LAMC3: variants seen among roughly 807,000 people sequenced by gnomAD.
The protein encoded by LAMC3 is laminin subunit gamma-3.
A neutral mutation model predicts 173.8 loss-of-function variants in LAMC3; 128 were observed. The observed-to-expected ratio is 0.74, with a 90% confidence interval of 0.64 to 0.85. The LOEUF (loss-of-function observed/expected upper bound fraction) is 0.85. LAMC3 is among the 40% of genes least tolerant of loss of function. LAMC3 has a pLI of 0.00. For synonymous variants in LAMC3, 897 were observed against 909.1 expected, an observed-to-expected ratio of 0.99 and a Z score of 0.24; for missense variants, 2,022 against 2,156.0, an observed-to-expected ratio of 0.94 and a Z score of 1.23.
Position 131,026,629 on chromosome 9 carries a change from G to T in LAMC3, c.678+40G>T. The T allele has an allele frequency of 1.3e-6, 2 of 1,523,318 alleles. No individual in the cohort carries two copies. Among genetic ancestry groups the T allele is most frequent in the East Asian group, 2.4e-5 (1 of 41,936 alleles). 94.4% of individuals were successfully genotyped at this position (1,523,318 alleles called of 1,614,324 possible). ...GGGCTTCGGAGGTTGGGACGGGGTT[G>T]GGACTGGGTCACGGCAGTAGGAGGG... is the stretch of plus-strand genomic sequence containing the variant. On this transcript the variant is annotated intron_variant, in intron 2 of 27. Transcript: ENST00000361069. This position sits in a 1 kb window ranked among gnomAD's most constrained non-coding sequence, Gnocchi z 4.8.
chr9:131,033,815 G>A (rs1331442536), intron 3 of LAMC3, among the ~76,000 whole-genome samples: 2 of 152,096 alleles, frequency 1.3e-5, no homozygotes, highest in African/African-American at 4.8e-5. Context: ...ATGGGAGTGG[G>A]GAGCGGGGAT....
chr9:131,069,849 A>T lies in LAMC3; in HGVS notation c.3068A>T (p.Glu1023Val). 1.3e-6 allele frequency: 2 copies of T among 1,584,932 alleles called. No homozygotes were observed. The highest frequency in any genetic ancestry group is 1.7e-6 in the Non-Finnish European group (2 of 1,165,214). Residue 1023 changes from glutamate to valine, a missense_variant and splice_region_variant, in exon 17 of 28, where the codon GAG becomes GTG. Transcript: ENST00000361069. The stretch of plus-strand genomic sequence containing the variant: ...TCCTGCTACGCCCTGGTGAAGGAGG[A>T]GGTGAGTCGGCCCAGACCCACTCAC... ...CPSCYALVKE[E>V]AAKLKARLTL...
At chr9:131,059,054 C>T (rs778925080) in intron 12 of LAMC3, among the ~76,000 whole-genome samples, 2 of 151,074 alleles carry the variant, frequency 1.3e-5, no homozygotes, top group East Asian at 2.0e-4. Context: ...AAAAATTAGC[C>T]AGGTGTGGTT....
In LAMC3 at chr9:131,091,757, C is replaced by T. The variant is rs754122699; in HGVS notation, c.4698C>T (p.Ser1566=). The T allele has an allele frequency of 8.1e-6, 13 of 1,613,000 alleles. No individual in the cohort carries two copies. The highest frequency in any genetic ancestry group is 1.6e-4 in the Middle Eastern group (1 of 6,084). Residue 1566 remains serine, a synonymous_variant, in exon 28 of 28, where the codon AGC becomes AGT. Coordinates refer to ENST00000361069, the MANE Select transcript of LAMC3 (RefSeq NM_006059.4). ...AGAACCTGGAGGCCATTCTGCACAG[C>T]CTGCCCGAGAACTGTGCCAGCTGGC... ...DKQNLEAILH[S]LPENCASWQ
At position 131,026,504 on chromosome 9, in the gene LAMC3, C is replaced by T. The variant is rs1236007854; in HGVS notation, c.593C>T (p.Ser198Phe). The change falls in exon 2 of 28, where the codon TCC becomes TTC. Residue 198 changes from serine (S) to phenylalanine (F), a missense_variant. Coordinates refer to ENST00000361069, the MANE Select transcript of LAMC3 (RefSeq NM_006059.4). The surrounding 1 kb of genome is among the most constrained non-coding windows in gnomAD (Gnocchi z 4.8). ...TGCACCTCTGAGTTCAGCGACATCTCCCCGCTGAGTGGCGGCAACGTGGCC... is the reference window on the plus strand; with the variant it reads ...TGCACCTCTGAGTTCAGCGACATCTTCCCGCTGAGTGGCGGCAACGTGGCC... ...AFCTSEFSDI[S>F]PLSGGNVAFS... 4 of 1,613,146 alleles carry T rather than the reference C, an allele frequency of 2.5e-6. No individual in the cohort carries two copies. The highest frequency in any genetic ancestry group is 2.2e-5 in the South Asian group (2 of 91,070).
chr9:131,068,905 C>T lies in LAMC3; in HGVS notation c.2748-3C>T, dbSNP rs746665623. On this transcript the variant is annotated splice_polypyrimidine_tract_variant and splice_region_variant and intron_variant, in intron 15 of 27. Transcript: ENST00000361069. ...TCAGACCCAGTTCCTTCCCTGATCA[C>T]AGCTGCAAGTGTCACCCACTGGGCT... 5 of 1,614,022 alleles carry T rather than the reference C, an allele frequency of 3.1e-6. No homozygotes were observed. The highest frequency in any genetic ancestry group is 4.2e-6 in the Non-Finnish European group (5 of 1,180,016).
chr9:131,050,272 T>G (rs189414946), intron 9 of LAMC3, among the ~76,000 whole-genome samples: 1 of 152,186 alleles, frequency 6.6e-6, no homozygotes, highest in African/African-American at 2.4e-5. Context: ...CGGGGCACCC[T>G]GAGCAGCTGG....
At chr9:131,046,811 AC>A (rs1398197825) in intron 8 of LAMC3, among the ~76,000 whole-genome samples, 1 of 152,002 alleles carries the variant, frequency 6.6e-6, no homozygotes, top group Non-Finnish European at 1.5e-5. Flanking sequence ...AGCGCCCCGC[AC>A]CTTCCGCCTG....
rs562862199 is a variant in LAMC3 at position 131,050,860 on chromosome 9, C to T, written c.1631-1631C>T. ...GGTAGCCTGTTGGTGGACTGTGATG[C>T]GGCCGGTTGTGGAACAGTGTGTGAA... On this transcript the variant is annotated intron_variant, in intron 9 of 27. Transcript: ENST00000361069. Among the ~76,000 whole-genome samples, 7 of 152,072 alleles carry T rather than the reference C, an allele frequency of 4.6e-5. No individual in the cohort carries two copies. The East Asian group carries it at 5.8e-4, about 13-fold the overall frequency.
At chr9:131,074,239 C>T (rs759718018) in intron 20 of LAMC3, among the ~76,000 whole-genome samples, 1 of 151,482 alleles carries the variant, frequency 6.6e-6, no homozygotes, top group South Asian at 2.1e-4. Context: ...TGAGCCACCG[C>T]GCCCGGCCAG....
chr9:131,053,251 G>T (rs533525752), intron 11 of LAMC3, among the ~76,000 whole-genome samples: 1 of 152,162 alleles, frequency 6.6e-6, no homozygotes, highest in East Asian at 1.9e-4. Context: ...ACCCAGACCC[G>T]CTGGGTGTGC....
At chr9:131,065,740 G>A (rs1190132338) in intron 13 of LAMC3, among the ~76,000 whole-genome samples, 1 of 151,896 alleles carries the variant, frequency 6.6e-6, no homozygotes, top group Non-Finnish European at 1.5e-5. Context: ...ACGTGATCAC[G>A]GGTGATGATG....
chr9:131,026,677 G>T lies in LAMC3; in HGVS notation c.678+88G>T, dbSNP rs750296967. 6 of 1,443,910 alleles carry T rather than the reference G, an allele frequency of 4.2e-6. No individual in the cohort carries two copies. Among genetic ancestry groups the T allele is most frequent in the Non-Finnish European group, 5.4e-6 (6 of 1,103,170 alleles). The allele number at this position is 1,443,910 out of a possible 1,614,324, so 89.4% of individuals were successfully genotyped here. A position where few individuals can be genotyped will look rare whatever the true frequency, so the allele number is the denominator to read the frequency against. ...GGGTCTGATGTGCCAGGACACACAG[G>T]GTGGGGGACCTGCAAAACCCCATGG... On this transcript the variant is annotated intron_variant, in intron 2 of 27. Coordinates refer to ENST00000361069, the MANE Select transcript of LAMC3 (RefSeq NM_006059.4). This position sits in a 1 kb window ranked among gnomAD's most constrained non-coding sequence, Gnocchi z 4.8.
intron 1 of LAMC3, among the ~76,000 whole-genome samples, chr9:131,019,536 T>C (rs1031864150): frequency 2.0e-5 from 3 of 152,224 alleles, no homozygotes; most frequent in African/African-American, 7.2e-5. Flanking sequence ...GATCCCTGGA[T>C]GAGTCTCTGT....
chr9:131,081,799 T>A (rs565016050), intron 23 of LAMC3, among the ~76,000 whole-genome samples: 48 of 152,344 alleles, frequency 3.2e-4, no homozygotes, highest in African/African-American at 1.1e-3. Context: ...TAAAGAGATG[T>A]TCAGGTGTTC....
chr9:131,078,110 G>A (rs1830167561), intron 22 of LAMC3, among the ~76,000 whole-genome samples: 1 of 152,224 alleles, frequency 6.6e-6, no homozygotes, highest in East Asian at 1.9e-4. Flanking sequence ...TGTGCTCATC[G>A]CCTTATACTC....
intron 14 of LAMC3, among the ~76,000 whole-genome samples, 162 bp from the exon 15 acceptor site, chr9:131,067,916 C>T (rs1216678051): frequency 1.3e-5 from 2 of 152,192 alleles, no homozygotes; most frequent in Admixed American, 6.5e-5. Flanking sequence ...GAGGCTTGAG[C>T]TTGGCCCTGG....
chr9:131,055,531 C>T (rs528233954), intron 11 of LAMC3, among the ~76,000 whole-genome samples: 24 of 146,860 alleles, frequency 1.6e-4, no homozygotes, highest in South Asian at 4.4e-4. Context: ...TTCATGTCAT[C>T]CTCCTGCCTC....
At chr9:131,078,752 A>G (rs1047973109) in intron 22 of LAMC3, among the ~76,000 whole-genome samples, 2 of 152,138 alleles carry the variant, frequency 1.3e-5, no homozygotes, top group Non-Finnish European at 2.9e-5. Context: ...CCCAGATCTC[A>G]GTTCAGGGCT....
Sources: gnomAD v4.1 joint callset for allele counts (sites outside exome capture counted in the v4.1 genomes callset) on GRCh38, gnomAD v4.1.1 for gene constraint, Gnocchi (gnomAD v3.1) non-coding constraint, MANE v1.5 for transcripts, NCBI Gene and HGNC (gene_info 2026-07-23, HGNC 2026-07-21) for gene names.